Variants in PTMA observed in about 807,000 individuals in gnomAD.
PTMA encodes the protein prothymosin alpha, also known as gene sequence 28.
PTMA carries 4 observed loss-of-function variants against 16.9 expected under a neutral mutation model. That is an observed-to-expected ratio of 0.24 (90% CI 0.12 to 0.54). The LOEUF (loss-of-function observed/expected upper bound fraction) is 0.54, where lower values mean the gene tolerates loss of function less well. Among genes scored for constraint, PTMA ranks in the 20% least tolerant of loss-of-function variants. The pLI is 0.95. For missense variants in PTMA, 120 were observed against 137.7 expected, an observed-to-expected ratio of 0.87 and a Z score of 0.64; for synonymous variants, 58 against 47.9, an observed-to-expected ratio of 1.21 and a Z score of -0.87.
At chr2:231,712,244 CT>C (rs995448817) in intron 3 of PTMA, among the ~76,000 whole-genome samples, 198 bp from the exon 4 acceptor site, 1 of 152,174 alleles carries the variant, frequency 6.6e-6, no homozygotes, top group African/African-American at 2.4e-5. Context: ...TTGGGCTGGC[CT>C]TTTGGGGTGC....
Position 231,708,625 on chromosome 2 carries a change from A to C in PTMA, c.-82A>C, listed in dbSNP as rs998899911. On this transcript the variant is annotated 5_prime_UTR_variant, in exon 1 of 5. Transcript: ENST00000409115. ...CCGCGCGCCTCCTCCGCCGCCGCGG[A>C]CTCCGGCAGCTTTATCGCCAGAGTC... 4 of 1,567,236 alleles carry C rather than the reference A, an allele frequency of 2.6e-6. No homozygotes were observed. In the East Asian group the frequency reaches 9.0e-5, roughly 35 times the overall value.
chr2:231,710,032 C>G lies in PTMA; in HGVS notation c.45+1281C>G, dbSNP rs1325799512. 6 of 1,208,042 alleles carry G rather than the reference C, an allele frequency of 5.0e-6. No individual in the cohort carries two copies. In the East Asian group the frequency reaches 1.6e-4, roughly 32 times the overall value. The allele number at this position is 1,208,042 out of a possible 1,614,324, so 74.8% of individuals were successfully genotyped here. ...GAGAACACCGTCCCCAGTGCGGGGC[C>G]TGGCTGTTCGATTTTCTCCGAAGCA... On this transcript the variant is annotated intron_variant, in intron 1 of 4. Transcript: ENST00000409115.
chr2:231,710,783 C>T (rs748967827), intron 1 of PTMA: 15 of 326,624 alleles, frequency 4.6e-5, no homozygotes, highest in Non-Finnish European at 7.4e-5. Context: ...CCTCTAGGAA[C>T]AGCGGTCGGA....
At chr2:231,712,637 C>A in intron 4 of PTMA, 121 bp downstream of exon 4, 1 of 1,328,656 alleles carries the variant, frequency 7.5e-7, no homozygotes, top group Non-Finnish European at 1.1e-6. Context: ...CTGTGTGGTC[C>A]TGAATCTTAA....
chr2:231,712,549 G>A (rs771760081), intron 4 of PTMA, 33 bp downstream of exon 4: 9 of 1,607,982 alleles, frequency 5.6e-6, no homozygotes, highest in African/African-American at 1.3e-5. Context: ...GGGGGGTTTG[G>A]CATCTGGGTC....
At chr2:231,709,992 A>C in intron 1 of PTMA, 107 of 955,852 alleles carry the variant, frequency 1.1e-4, no homozygotes, top group East Asian at 1.1e-4. Context: ...CAGTCCGGGA[A>C]TGAGTTTGTG....
At chr2:231,711,526 G>T (rs1427948551) in intron 2 of PTMA, 107 bp downstream of exon 2, 9 of 1,032,034 alleles carry the variant, frequency 8.7e-6, no homozygotes, top group East Asian at 2.5e-5. Flanking sequence ...TATATGTATA[G>T]CTTTGCACAG....
chr2:231,709,493 G>A (rs1013299277), intron 1 of PTMA, among the ~76,000 whole-genome samples: 28 of 152,290 alleles, frequency 1.8e-4, no homozygotes, highest in Non-Finnish European at 1.5e-5. Flanking sequence ...CCGCAGGGAG[G>A]AAAGAGAAAG....
chr2:231,709,148 G>A (rs1439938001), intron 1 of PTMA, among the ~76,000 whole-genome samples: 1 of 152,162 alleles, frequency 6.6e-6, no homozygotes, highest in South Asian at 2.1e-4. Flanking sequence ...GAAGTGCTGG[G>A]GGGCGCGTGT....
intron 1 of PTMA, chr2:231,710,721 T>C (rs757202073): frequency 2.8e-6 from 1 of 357,280 alleles, no homozygotes; most frequent in South Asian, 2.0e-5. Context: ...CGGGAGTTGG[T>C]GGCTCCGGCG....
In PTMA at chr2:231,711,877, T is replaced by C. The variant is rs760035878; in HGVS notation, c.118-13T>C. 3.1e-6 allele frequency: 5 copies of C among 1,612,464 alleles called. No homozygotes were observed. Among genetic ancestry groups the C allele is most frequent in the Non-Finnish European group, 4.2e-6 (5 of 1,179,678 alleles). Reference sequence around the variant, plus strand: ...CCAGCTGGTAATGACATGGCCTGTTTTCTGTCGAGGAGAATGAGGAAAATG... The same window carrying C: ...CCAGCTGGTAATGACATGGCCTGTTCTCTGTCGAGGAGAATGAGGAAAATG... On this transcript the variant is annotated splice_polypyrimidine_tract_variant and intron_variant, in intron 2 of 4. Coordinates refer to ENST00000409115, the MANE Select transcript of PTMA (RefSeq NM_002823.5).
At chr2:231,709,628 TG>T (rs746355592) in intron 1 of PTMA, among the ~76,000 whole-genome samples, 4 of 152,094 alleles carry the variant, frequency 2.6e-5, no homozygotes, top group East Asian at 1.9e-4. Context: ...AGGGTCGAAC[TG>T]GGGGGGCGCC....
chr2:231,712,163 G>T (rs146549196), intron 3 of PTMA, among the ~76,000 whole-genome samples, 180 bp downstream of exon 3: 2 of 152,246 alleles, frequency 1.3e-5, no homozygotes, highest in African/African-American at 4.8e-5. Flanking sequence ...ATGGAGTTGT[G>T]CCCATGCCCA....
At chr2:231,710,227 G>A in intron 1 of PTMA, 1 of 1,342,366 alleles carries the variant, frequency 7.4e-7, no homozygotes. Flanking sequence ...GCGTCGAGTC[G>A]AGAGCCCGGC....
intron 4 of PTMA, 46 bp downstream of exon 4, chr2:231,712,562 C>T (rs1358234971): frequency 1.3e-6 from 2 of 1,590,642 alleles, no homozygotes; most frequent in Middle Eastern, 1.7e-4. Context: ...TCTGGGTCTC[C>T]CCACCTGCCT....
intron 3 of PTMA, among the ~76,000 whole-genome samples, 176 bp from the exon 4 acceptor site, chr2:231,712,267 C>T (rs1344435427): frequency 6.6e-6 from 1 of 152,190 alleles, no homozygotes; most frequent in East Asian, 1.9e-4. Context: ...GCTGCTTGGG[C>T]CTCTCTCCTC....
At chr2:231,708,923 G>A (rs2048476079) in intron 1 of PTMA, among the ~76,000 whole-genome samples, 172 bp downstream of exon 1, 1 of 152,318 alleles carries the variant, frequency 6.6e-6, no homozygotes, top group East Asian at 1.9e-4. Flanking sequence ...GTGCGGGGGA[G>A]GGGGCGGGAA....
chr2:231,710,906 C>T (rs942559508), intron 1 of PTMA, among the ~76,000 whole-genome samples: 6 of 152,164 alleles, frequency 3.9e-5, no homozygotes, highest in African/African-American at 7.3e-5. Flanking sequence ...GAGCGCAGGC[C>T]CCTCTCTCTT....
Position 231,708,546 on chromosome 2 carries a change from A to G in PTMA, c.-161A>G. ...GAGTCCCCCACTGGCTGCTCTGAAA[A>G]GCCATCTTTGCATTGTTCCTCATCC... On this transcript the variant is annotated 5_prime_UTR_variant, in exon 1 of 5. Transcript: ENST00000409115. 3 of 810,010 alleles carry G rather than the reference A, an allele frequency of 3.7e-6. No individual in the cohort carries two copies. Among genetic ancestry groups the G allele is most frequent in the Non-Finnish European group, 6.1e-6 (3 of 491,570 alleles). The allele number at this position is 810,010 out of a possible 1,614,324, so 50.2% of individuals were successfully genotyped here. A position where few individuals can be genotyped will look rare whatever the true frequency, so the allele number is the denominator to read the frequency against.
Sources: gnomAD v4.1 joint callset for allele counts (sites outside exome capture counted in the v4.1 genomes callset) on GRCh38, gnomAD v4.1.1 for gene constraint, MANE v1.5 for transcripts, NCBI Gene and HGNC (gene_info 2026-07-23, HGNC 2026-07-21) for gene names.